Variants in RP1L1 observed in about 807,000 individuals in gnomAD.
The protein encoded by RP1L1 is RP1 like 1, also known as retinitis pigmentosa 1-like 1 protein.
A neutral mutation model predicts 15.7 loss-of-function variants in RP1L1; 27 were observed. That is an observed-to-expected ratio of 1.72 (90% CI 1.27 to 2.38). The LOEUF (loss-of-function observed/expected upper bound fraction) is 2.38, where lower values mean the gene tolerates loss of function less well. Ranked by LOEUF, RP1L1 falls within the 30% of genes most tolerant of loss-of-function variation. The pLI is 0.00. For synonymous variants in RP1L1, 1,813 were observed against 1,276.7 expected (o/e 1.42, Z -8.96); for missense variants, 4,798 against 3,075.9 (o/e 1.56, Z -13.24).
Position 10,608,467 on chromosome 8 carries a change from T to G in RP1L1, c.5631A>C (p.Pro1877=). The change falls in exon 4 of 4, where the codon CCA becomes CCC. Residue 1877 remains proline (P), a synonymous_variant. Coordinates refer to ENST00000382483, the MANE Select transcript of RP1L1 (RefSeq NM_178857.6). The part of the protein sequence containing the change: ...AQPESEDVEA[P]EAEGEAQPES... ...CTGGCTGGGCCTCTCCTTCTGCCTCTGGGGCCTCTACATCTTCTGACTCTG... is the reference window on the plus strand; with the variant it reads ...CTGGCTGGGCCTCTCCTTCTGCCTCGGGGGCCTCTACATCTTCTGACTCTG... The G allele has an allele frequency of 1.9e-6, 3 of 1,590,288 alleles. No individual in the cohort carries two copies.
chr8:10,610,103 T>C lies in RP1L1; in HGVS notation c.3995A>G (p.Gln1332Arg), dbSNP rs1398724263. The C allele has an allele frequency of 6.1e-6, 9 of 1,476,928 alleles. 1 individual carries two copies. The highest frequency in any genetic ancestry group is 6.0e-5 in the Admixed American group (3 of 49,930). 91.5% of individuals were successfully genotyped at this position (1,476,928 alleles called of 1,614,324 possible). A position where few individuals can be genotyped will look rare whatever the true frequency, so the allele number is the denominator to read the frequency against. The change falls in exon 4 of 4, where the codon CAA (glutamine) becomes CGA (arginine). Residue 1332 changes from glutamine to arginine, a missense_variant. Physicochemically the swap from Gln to Arg is conservative, Grantham distance 43 (BLOSUM62 1). Transcript: ENST00000382483. ...TTCCTCTAACTGCACCCCCTCTTCT[T>C]GCAGCCCTTCTTCTGTTTTAGTTTC... ...LEETKTEEGL[Q>R]EEGVQLEETK... is the part of the protein sequence containing the mutation.
rs1004643121 is a variant in RP1L1, at chr8:10,611,145, C to G, written c.2953G>C (p.Gly985Arg). ...LADETTGAAG[G>R]GLRGPEVDPG... is the part of the protein sequence containing the mutation. ...TCCACCTCGGGGCCTCTCAGGCCAC[C>G]CCCAGCTGCACCTGTGGTCTCGTCC... is the stretch of plus-strand genomic sequence containing the variant. The change falls in exon 4 of 4, where the codon GGT (glycine) becomes CGT (arginine). Residue 985 changes from glycine to arginine, a missense_variant. Transcript: ENST00000382483. The G allele has an allele frequency of 8.7e-6, 14 of 1,612,814 alleles. No homozygotes were observed. In the African/African-American group the frequency reaches 1.7e-4, roughly 20 times the overall value.
rs374403002 is a variant in RP1L1 at position 10,608,750 on chromosome 8, G to A, written c.5348C>T (p.Ala1783Val). The A allele has an allele frequency of 8.3e-5, 134 of 1,614,124 alleles. 1 individual carries two copies. The South Asian group carries it at 1.1e-3, about 13-fold the overall frequency. Residue 1783 changes from alanine to valine, a missense_variant, in exon 4 of 4, where the codon GCG becomes GTG. Coordinates refer to ENST00000382483, the MANE Select transcript of RP1L1 (RefSeq NM_178857.6). ...EGKTHNSETS[A>V]GSELGEAEQE... is the part of the protein sequence containing the mutation. ...CTCAGCTTCCCCCAACTCACTGCCCGCACTGGTTTCACTGTTGTGGGTTTT... is the reference window on the plus strand; with the variant it reads ...CTCAGCTTCCCCCAACTCACTGCCCACACTGGTTTCACTGTTGTGGGTTTT...
intron 1 of RP1L1, among the ~76,000 whole-genome samples, chr8:10,629,279 A>G (rs985684846): frequency 1.4e-5 from 1 of 69,962 alleles, no homozygotes; most frequent in Non-Finnish European, 2.7e-5. Flanking sequence ...GTGCATGGGC[A>G]GGGCATGGGC....
intron 1 of RP1L1, among the ~76,000 whole-genome samples, chr8:10,634,103 G>A (rs1464716203): frequency 6.6e-6 from 1 of 152,144 alleles, no homozygotes; most frequent in Admixed American, 6.5e-5. Context: ...CCATACCACA[G>A]CGGTCTGAGT....
chr8:10,613,297 C>A lies in RP1L1; in HGVS notation c.801G>T (p.Pro267=), dbSNP rs369475833. 4 of 1,603,608 alleles carry A rather than the reference C, an allele frequency of 2.5e-6. No homozygotes were observed. Among genetic ancestry groups the A allele is most frequent in the Non-Finnish European group, 3.4e-6 (4 of 1,179,964 alleles). ...CTGGCAGCCGTGGCGTGCTGCCTGG[C>A]GGAGACCGCGAATGGATCACACTCG... ...TKPSVIHSRS[P]PGSTPRLPER... is the part of the protein sequence containing the mutation. Residue 267 remains proline, a synonymous_variant, in exon 4 of 4, where the codon CCG becomes CCT. Transcript: ENST00000382483.
In RP1L1 at chr8:10,609,378, T is replaced by C. The variant is rs1375234645; in HGVS notation, c.4720A>G (p.Arg1574Gly). 1.2e-6 allele frequency: 2 copies of C among 1,612,564 alleles called. No individual in the cohort carries two copies. Among genetic ancestry groups the C allele is most frequent in the African/African-American group, 1.3e-5 (1 of 75,062 alleles). ...VAQRLQDSTK[R>G]ELQKLQGRAG... The stretch of plus-strand genomic sequence containing the variant: ...CGGCCCTGGAGCTTCTGGAGCTCTC[T>C]CTTGGTGCTGTCCTGGAGGCGTTGG... The change falls in exon 4 of 4, where the codon AGA becomes GGA. Residue 1574 changes from arginine to glycine, a missense_variant. By Grantham distance (125) the Arg-to-Gly change is moderately radical (BLOSUM62 -2). Coordinates refer to ENST00000382483, the MANE Select transcript of RP1L1 (RefSeq NM_178857.6).
chr8:10,641,165 A>G (rs1238348531), intron 1 of RP1L1, among the ~76,000 whole-genome samples: 1 of 152,184 alleles, frequency 6.6e-6, no homozygotes, highest in Non-Finnish European at 1.5e-5. Context: ...ATGTTCTTCC[A>G]TGTTCTTTGC....
chr8:10,648,251 C>T (rs551530311), intron 1 of RP1L1, among the ~76,000 whole-genome samples: 8 of 152,234 alleles, frequency 5.3e-5, no homozygotes, highest in Non-Finnish European at 7.4e-5. Flanking sequence ...AGGCTGGTCT[C>T]GAACTCCTGA....
intron 3 of RP1L1, among the ~76,000 whole-genome samples, chr8:10,614,062 C>T (rs192079213): frequency 6.6e-6 from 1 of 152,284 alleles, no homozygotes; most frequent in Non-Finnish European, 1.5e-5. Flanking sequence ...AGTAGGCTCT[C>T]GAGAGATGGC....
chr8:10,629,159 C>T (rs1798203400), intron 1 of RP1L1, among the ~76,000 whole-genome samples: 2 of 152,230 alleles, frequency 1.3e-5, no homozygotes, highest in African/African-American at 4.8e-5. Flanking sequence ...AGGTAGAAAG[C>T]TCTCTTGCCC....
intron 3 of RP1L1, 124 bp from the exon 4 acceptor site, chr8:10,613,470 A>C (rs1194711976): frequency 8.8e-6 from 12 of 1,361,778 alleles, no homozygotes; most frequent in East Asian, 2.5e-5. Context: ...TGCCTCCAAA[A>C]TGCACGGTGA....
chr8:10,606,626 G>A lies in RP1L1; in HGVS notation c.*269C>T. 2.0e-6 allele frequency: 1 copy of A among 506,650 alleles called. No individual in the cohort carries two copies. Among genetic ancestry groups the A allele is most frequent in the South Asian group, 2.4e-5 (1 of 41,948 alleles). The allele number at this position is 506,650 out of a possible 1,614,324, so 31.4% of individuals were successfully genotyped here. On this transcript the variant is annotated 3_prime_UTR_variant, in exon 4 of 4. Transcript: ENST00000382483. ...TTCGGGCTCTGCAGACAAATAAATA[G>A]GAGCCGGGCTGACCTCCGATAACCG...
Position 10,622,935 on chromosome 8 carries a change from G to C in RP1L1, c.267C>G (p.Ser89Arg). 1.9e-6 allele frequency: 3 copies of C among 1,614,070 alleles called. No individual in the cohort carries two copies. The highest frequency in any genetic ancestry group is 2.5e-6 in the Non-Finnish European group (3 of 1,179,994). ...CTTCCAGCTGCTCCAGGGCGCTGAG[G>C]CTATGCAGGCCCCGGGGTGTGGTGA... ...RSVTTPRGLH[S>R]LSALEQLEDG... The change falls in exon 2 of 4, where the codon AGC becomes AGG. Residue 89 changes from serine (S) to arginine (R), a missense_variant. By Grantham distance (110) the Ser-to-Arg change is moderately radical. Transcript: ENST00000382483.
chr8:10,637,165 G>A (rs6981218), intron 1 of RP1L1, among the ~76,000 whole-genome samples: 112,669 of 152,066 alleles, frequency 0.74, 42,832 homozygotes, highest in East Asian at 0.95. Context: ...TCAGGTTCCC[G>A]GACTCAAACT....
Position 10,608,790 on chromosome 8 carries a change from G to A in RP1L1, c.5308C>T (p.Gln1770Ter), listed in dbSNP as rs986853401. 1 of 1,614,096 alleles carries A rather than the reference G, an allele frequency of 6.2e-7. No homozygotes were observed. The highest frequency in any genetic ancestry group is 8.5e-7 in the Non-Finnish European group (1 of 1,180,040). Reference sequence around the variant, plus strand: ...TTGTGGGTTTTCCCTTCTCTCTCCTGAGCCATTGCATCTCCCTCTGCCTCC... The same window carrying A: ...TTGTGGGTTTTCCCTTCTCTCTCCTAAGCCATTGCATCTCCCTCTGCCTCC... Reference protein sequence around the residue: ...LGEAEGDAMAQEREGKTHNSE... With the variant: ...LGEAEGDAMA The change falls in exon 4 of 4, where the codon CAG (glutamine) becomes TAG (stop). Residue 1770 changes from glutamine to a stop codon, truncating the protein, a stop_gained. Transcript: ENST00000382483. LOFTEE classifies it low-confidence loss of function (END_TRUNC).
intron 1 of RP1L1, among the ~76,000 whole-genome samples, chr8:10,626,020 C>G (rs1798152043): frequency 6.6e-6 from 1 of 151,790 alleles, no homozygotes; most frequent in African/African-American, 2.4e-5. Context: ...GTAGACGGAG[C>G]AAGGAAAAAC....
intron 1 of RP1L1, among the ~76,000 whole-genome samples, chr8:10,641,703 C>G (rs1051808434): frequency 6.6e-6 from 1 of 152,172 alleles, no homozygotes; most frequent in Non-Finnish European, 1.5e-5. Flanking sequence ...CACACAAAAA[C>G]TTGTAAAAAA....
Position 10,612,192 on chromosome 8 carries a change from G to A in RP1L1, c.1906C>T (p.Gln636Ter). 1 of 1,613,352 alleles carries A rather than the reference G, an allele frequency of 6.2e-7. No individual in the cohort carries two copies. The highest frequency in any genetic ancestry group is 8.5e-7 in the Non-Finnish European group (1 of 1,180,012). The change falls in exon 4 of 4, where the codon CAG (glutamine) becomes TAG (stop). Residue 636 changes from glutamine (Q) to a stop codon, truncating the protein, a stop_gained. Transcript: ENST00000382483. LOFTEE classifies it low-confidence loss of function (END_TRUNC). ...STPSTCTSSQ[Q>*]GQRRHRSRAS... Reference sequence around the variant, plus strand: ...CGGCTTCTGTGCCTTCTCTGCCCCTGCTGGGATGAAGTGCAGGTGGAAGGG... The same window carrying A: ...CGGCTTCTGTGCCTTCTCTGCCCCTACTGGGATGAAGTGCAGGTGGAAGGG...
Sources: allele counts gnomAD v4.1 joint callset (sites outside exome capture counted in the v4.1 genomes callset), GRCh38; gene constraint gnomAD v4.1.1; transcripts MANE v1.5; gene names NCBI Gene and HGNC (gene_info 2026-07-23, HGNC 2026-07-21).